The following CSMD1 variants were observed in gnomAD, a reference collection of about 807,000 sequenced individuals.
CSMD1 encodes CUB and Sushi multiple domains 1.
Under a neutral mutation model 417.5 loss-of-function variants are expected in CSMD1, and 213 were observed. The ratio of observed to expected loss-of-function variants is 0.51; its 90% CI spans 0.46 to 0.57. The LOEUF (loss-of-function observed/expected upper bound fraction) is 0.57. CSMD1 is among the 20% of genes least tolerant of loss of function. The pLI, the probability that CSMD1 is intolerant of heterozygous loss-of-function variation, is 0.00. For synonymous variants in CSMD1, 2,862 were observed against 1,736.8 expected, an observed-to-expected ratio of 1.65 and a Z score of -16.11; for missense variants, 6,923 against 4,529.7, an observed-to-expected ratio of 1.53 and a Z score of -15.17.
intron 3 of CSMD1, among the ~76,000 whole-genome samples, chr8:4,287,733 C>T (rs992723515): frequency 6.6e-6 from 1 of 151,660 alleles, no homozygotes; most frequent in African/African-American, 2.4e-5. Flanking sequence ...AGTTACACAA[C>T]ATCACACAAA....
rs1029914072 is a variant in CSMD1, at chr8:4,357,088, C to A, written c.415+62865G>T. ...TGAAGGAAGAATAATATGAATAATA[C>A]TGTGTTATGTATTACAACTCTGAAT... On this transcript the variant is annotated intron_variant, in intron 3 of 69. Coordinates refer to ENST00000635120, the MANE Select transcript of CSMD1 (RefSeq NM_033225.6). Among the ~76,000 whole-genome samples, 13 of 152,240 alleles carry A rather than the reference C, an allele frequency of 8.5e-5. No individual in the cohort carries two copies. The South Asian group carries it at 2.5e-3, about 29-fold the overall frequency.
intron 2 of CSMD1, among the ~76,000 whole-genome samples, chr8:4,561,024 A>C (rs1401456108): frequency 6.6e-6 from 1 of 152,218 alleles, no homozygotes; most frequent in Non-Finnish European, 1.5e-5. Context: ...GTATATATTC[A>C]ACCCATACCA....
intron 3 of CSMD1, among the ~76,000 whole-genome samples, chr8:4,212,348 C>T (rs1174872194): frequency 6.6e-6 from 1 of 151,942 alleles, no homozygotes; most frequent in African/African-American, 2.4e-5. Context: ...AAGAAAATCC[C>T]ACCAATTAAA....
intron 10 of CSMD1, among the ~76,000 whole-genome samples, chr8:3,495,166 T>C (rs1035283249): frequency 2.0e-5 from 3 of 152,254 alleles, no homozygotes; most frequent in Non-Finnish European, 2.9e-5. Flanking sequence ...CCAGTATAAA[T>C]ACTGCATGTT....
intron 2 of CSMD1, among the ~76,000 whole-genome samples, chr8:4,632,292 C>G (rs1232700050): frequency 6.6e-6 from 1 of 152,136 alleles, no homozygotes; most frequent in Admixed American, 6.5e-5. Flanking sequence ...GTGGGCAGAT[C>G]ACCTGAGGTC....
At chr8:4,473,838 C>T (rs943276050) in intron 2 of CSMD1, among the ~76,000 whole-genome samples, 6 of 152,064 alleles carry the variant, frequency 3.9e-5, no homozygotes, top group African/African-American at 9.6e-5. Flanking sequence ...AATAGGAACA[C>T]GCAAATGATC....
At chr8:4,201,309 C>T (rs990336916) in intron 3 of CSMD1, among the ~76,000 whole-genome samples, 10 of 152,072 alleles carry the variant, frequency 6.6e-5, no homozygotes, top group Admixed American at 3.3e-4. Context: ...GAGGCCGAGG[C>T]GGGCGGATCA....
intron 3 of CSMD1, among the ~76,000 whole-genome samples, chr8:4,307,911 A>G (rs1253371872): frequency 1.3e-5 from 2 of 152,176 alleles, no homozygotes; most frequent in African/African-American, 4.8e-5. Flanking sequence ...GCACGTTTTT[A>G]GCAAGAGGAC....
chr8:3,361,287 A>G (rs576589837), intron 20 of CSMD1, among the ~76,000 whole-genome samples: 1 of 152,192 alleles, frequency 6.6e-6, no homozygotes, highest in South Asian at 2.1e-4. Context: ...CTAAGGATAT[A>G]CTGTGTGCAC....
intron 5 of CSMD1, among the ~76,000 whole-genome samples, chr8:3,793,217 T>C (rs79368455): frequency 0.016 from 2,491 of 152,314 alleles, 66 homozygotes; most frequent in African/African-American, 0.056. Flanking sequence ...TCAACCGCTA[T>C]GGTCTAAGTC....
intron 7 of CSMD1, among the ~76,000 whole-genome samples, chr8:3,660,354 C>T (rs535986575): frequency 1.3e-5 from 2 of 152,108 alleles, no homozygotes; most frequent in Middle Eastern, 3.4e-3. Flanking sequence ...AAAGTATTAG[C>T]GATCTTCCCA....
rs915603195 is a variant in CSMD1, at chr8:4,293,385, C to G, written c.415+126568G>C. Among the ~76,000 whole-genome samples, 10 of 152,158 alleles carry G rather than the reference C, an allele frequency of 6.6e-5. No homozygotes were observed. In the East Asian group the frequency reaches 1.7e-3, roughly 26 times the overall value. ...AGTCCAATCTAAATTTATTGAGCAA[C>G]TCTTAAGCTCCTGCATTATTAACCA... On this transcript the variant is annotated intron_variant, in intron 3 of 69. Coordinates refer to ENST00000635120, the MANE Select transcript of CSMD1 (RefSeq NM_033225.6).
intron 1 of CSMD1, among the ~76,000 whole-genome samples, chr8:4,653,094 C>G (rs1026674971): frequency 6.6e-6 from 1 of 152,128 alleles, no homozygotes; most frequent in Non-Finnish European, 1.5e-5. Context: ...TTATGAGAGA[C>G]AGAGCTCCTT....
chr8:3,768,040 C>G (rs943017520), intron 5 of CSMD1, among the ~76,000 whole-genome samples: 4 of 152,098 alleles, frequency 2.6e-5, no homozygotes, highest in African/African-American at 9.7e-5. Flanking sequence ...AAAACAGAAT[C>G]AATCTTTGAC....
At chr8:4,981,611 T>C (rs867515711) in intron 1 of CSMD1, among the ~76,000 whole-genome samples, 1 of 152,342 alleles carries the variant, frequency 6.6e-6, no homozygotes, top group South Asian at 2.1e-4. Context: ...TTGTACTTAA[T>C]GGTTGCTAAG....
At chr8:4,415,110 G>A (rs934945253) in intron 3 of CSMD1, among the ~76,000 whole-genome samples, 1 of 152,116 alleles carries the variant, frequency 6.6e-6, no homozygotes, top group Non-Finnish European at 1.5e-5. Flanking sequence ...TCTATTGCAA[G>A]GATGAAATAA....
intron 3 of CSMD1, among the ~76,000 whole-genome samples, chr8:4,221,625 G>C (rs116546222): frequency 0.018 from 2,809 of 152,182 alleles, 77 homozygotes; most frequent in African/African-American, 0.065. Context: ...TAGTGAATAA[G>C]ACAATTTCAC....
chr8:2,996,194 T>C (rs773234359), intron 54 of CSMD1, among the ~76,000 whole-genome samples: 39 of 151,884 alleles, frequency 2.6e-4, no homozygotes, highest in Non-Finnish European at 5.0e-4. Flanking sequence ...AGAGAGAGAA[T>C]TGATGACATT....
At chr8:3,190,981 G>C (rs899601682) in intron 33 of CSMD1, among the ~76,000 whole-genome samples, 1 of 152,180 alleles carries the variant, frequency 6.6e-6, no homozygotes, top group Admixed American at 6.5e-5. Context: ...AGGAAAATGG[G>C]AAGCAACTGT....
Sources: allele counts gnomAD v4.1 joint callset (sites outside exome capture counted in the v4.1 genomes callset), GRCh38; gene constraint gnomAD v4.1.1; transcripts MANE v1.5; gene names NCBI Gene and HGNC (gene_info 2026-07-23, HGNC 2026-07-21).